Variants in SCN10A observed in about 807,000 individuals in gnomAD.
SCN10A encodes sodium voltage-gated channel alpha subunit 10.
A neutral mutation model predicts 170.7 loss-of-function variants in SCN10A; 162 were observed. That is an observed-to-expected ratio of 0.95 (90% CI 0.84 to 1.08). The LOEUF (loss-of-function observed/expected upper bound fraction) is 1.08. Among genes scored for constraint, SCN10A ranks in the 50% least tolerant of loss-of-function variants. SCN10A has a pLI of 0.00. For missense variants in SCN10A, 2,527 were observed against 2,436.9 expected (o/e 1.04, Z -0.78); for synonymous variants, 985 against 904.6 (o/e 1.09, Z -1.59).
chr3:38,774,196 C>T (rs981876873), intron 4 of SCN10A, among the ~76,000 whole-genome samples: 1 of 152,042 alleles, frequency 6.6e-6, no homozygotes, highest in African/African-American at 2.4e-5. Context: ...TGTCAGCTTC[C>T]ATATCTTGTT....
At chr3:38,737,911 G>A (rs540753264) in intron 15 of SCN10A, among the ~76,000 whole-genome samples, 27 of 123,138 alleles carry the variant, frequency 2.2e-4, no homozygotes, top group South Asian at 2.8e-4. Flanking sequence ...TCTTTCTCTC[G>A]CTTTTTCTAT....
chr3:38,706,035 G>C (rs777200066), intron 26 of SCN10A, among the ~76,000 whole-genome samples: 3 of 152,162 alleles, frequency 2.0e-5, no homozygotes, highest in Non-Finnish European at 4.4e-5. Context: ...GATTGTATGG[G>C]TGATTTAGGA....
At chr3:38,729,860 G>A (rs1270206547) in intron 15 of SCN10A, among the ~76,000 whole-genome samples, 1 of 152,160 alleles carries the variant, frequency 6.6e-6, no homozygotes, top group Non-Finnish European at 1.5e-5. Context: ...ACCCATATCC[G>A]TGAGTAAATC....
At chr3:38,764,794 G>A (rs1408612979) in intron 5 of SCN10A, among the ~76,000 whole-genome samples, 3 of 152,120 alleles carry the variant, frequency 2.0e-5, no homozygotes, top group Non-Finnish European at 2.9e-5. Context: ...TCTCCATAAC[G>A]TTTTCCTTAG....
intron 12 of SCN10A, among the ~76,000 whole-genome samples, chr3:38,750,841 G>A (rs1275510910): frequency 2.0e-5 from 3 of 152,186 alleles, no homozygotes; most frequent in Non-Finnish European, 2.9e-5. Flanking sequence ...ACAGAGAAAG[G>A]AGGGTGGGGG....
rs75660637 is a variant in SCN10A at position 38,723,677 on chromosome 3, G to A, written c.3229-124C>T. 11,479 of 1,184,630 alleles carry A rather than the reference G, an allele frequency of 9.7e-3. 371 individuals carry two copies. The highest frequency in any genetic ancestry group is 0.076 in the Admixed American group (3,367 of 44,226). The allele number at this position is 1,184,630 out of a possible 1,614,324, so 73.4% of individuals were successfully genotyped here. A position where few individuals can be genotyped will look rare whatever the true frequency, so the allele number is the denominator to read the frequency against. On this transcript the variant is annotated intron_variant, in intron 18 of 27. Transcript: ENST00000449082. ...CTCGCCAGCTGAGGCCTGGAACACT[G>A]CTCTTCTCCCTGGAGCCCCAGAGGC...
At chr3:38,792,232 T>C in intron 2 of SCN10A, 64 bp from the exon 3 acceptor site, 1 of 1,585,960 alleles carries the variant, frequency 6.3e-7, no homozygotes, top group Middle Eastern at 1.7e-4. Flanking sequence ...TACAACCATG[T>C]TTTTAAACAT....
intron 15 of SCN10A, among the ~76,000 whole-genome samples, chr3:38,730,484 CAGA>C (rs1044286328): frequency 2.6e-5 from 4 of 152,058 alleles, no homozygotes; most frequent in African/African-American, 9.7e-5. Flanking sequence ...CAAACAAAAA[CAGA>C]AGGAATGAGT....
intron 26 of SCN10A, among the ~76,000 whole-genome samples, chr3:38,703,720 C>T (rs111763460): frequency 1.2e-3 from 187 of 152,306 alleles, no homozygotes; most frequent in Non-Finnish European, 2.5e-3. Context: ...CAGAGTTCTT[C>T]GAGGCTCAGT....
chr3:38,804,026 C>A (rs889402910), intron 1 of SCN10A, among the ~76,000 whole-genome samples: 2 of 152,136 alleles, frequency 1.3e-5, no homozygotes, highest in African/African-American at 4.8e-5. Flanking sequence ...TATCTCACTG[C>A]TAGCATTCTC....
In SCN10A at chr3:38,810,705, A is replaced by G. The variant is rs576412390; in HGVS notation, c.-33+5332T>C. ...AAGTTCTATGAGGGCAGACATGAAA[A>G]TCATTCTGTCTATAGCTCTGTGCCC... On this transcript the variant is annotated intron_variant, in intron 1 of 27. Coordinates refer to ENST00000449082, the MANE Select transcript of SCN10A (RefSeq NM_006514.4). Among the ~76,000 whole-genome samples the G allele has an allele frequency of 4.6e-5, 7 of 152,344 alleles. No homozygotes were observed. The South Asian group carries it at 1.5e-3, about 32-fold the overall frequency.
At chr3:38,703,593 G>C (rs1277613587) in intron 26 of SCN10A, among the ~76,000 whole-genome samples, 2 of 152,148 alleles carry the variant, frequency 1.3e-5, no homozygotes, top group Non-Finnish European at 2.9e-5. Flanking sequence ...ATATTGCCTA[G>C]TACCCTTCTA....
rs1430249846 is a variant in SCN10A, at chr3:38,697,658, T to G, written c.5562A>C (p.Ser1854=). The G allele has an allele frequency of 6.2e-7, 1 of 1,614,230 alleles. No homozygotes were observed. The highest frequency in any genetic ancestry group is 2.2e-5 in the East Asian group (1 of 44,884). Residue 1854 remains serine, a synonymous_variant, in exon 28 of 28, where the codon TCA becomes TCC. Coordinates refer to ENST00000449082, the MANE Select transcript of SCN10A (RefSeq NM_006514.4). ...TTLRWKQEDI[S]ATVIQKAYRS... ...GATAGGCCTTTTGAATGACAGTGGC[T>G]GAAATGTCTTCTTGCTTCCATCGGA...
In SCN10A at chr3:38,789,029, T is replaced by C. The variant is rs1053499924; in HGVS notation, c.397A>G (p.Ser133Gly). 3.1e-6 allele frequency: 5 copies of C among 1,607,012 alleles called. No individual in the cohort carries two copies. In the African/African-American group the frequency reaches 5.4e-5, roughly 17 times the overall value. ...AIKVSVHSWFSLFITVTILVN... is the reference protein window; with the variant it reads ...AIKVSVHSWFGLFITVTILVN... ...AAAATAGTGACCGTAATAAATAAACTGAACCACCTGAAAGGCCTGTGTTAA... is the reference window on the plus strand; with the variant it reads ...AAAATAGTGACCGTAATAAATAAACCGAACCACCTGAAAGGCCTGTGTTAA... The change falls in exon 4 of 28, where the codon AGT (serine) becomes GGT (glycine). Residue 133 changes from serine to glycine, a missense_variant. Coordinates refer to ENST00000449082, the MANE Select transcript of SCN10A (RefSeq NM_006514.4).
chr3:38,771,562 G>A (rs1033066430), intron 4 of SCN10A, among the ~76,000 whole-genome samples, 155 bp from the exon 5 acceptor site: 6 of 152,206 alleles, frequency 3.9e-5, no homozygotes, highest in African/African-American at 1.2e-4. Flanking sequence ...AAGGTAAGGA[G>A]AGGAAACAAG....
chr3:38,755,831 T>A lies in SCN10A; in HGVS notation c.1418A>T (p.Asp473Val), dbSNP rs774806601. The part of the protein sequence containing the change: ...KPRVSEGSTE[D>V]NKSPRSDPYN... The stretch of plus-strand genomic sequence containing the variant: ...AGGATCAGAGCGGGGTGATTTGTTG[T>A]CTTCTGTGGAGCCCTCTGACACTCT... Residue 473 changes from aspartate to valine, a missense_variant, in exon 11 of 28, where the codon GAC becomes GTC. Asp to Val is a radical substitution (Grantham distance 152). Transcript: ENST00000449082. The A allele has an allele frequency of 2.5e-6, 4 of 1,614,140 alleles. No homozygotes were observed. The highest frequency in any genetic ancestry group is 2.5e-6 in the Non-Finnish European group (3 of 1,180,040).
At chr3:38,765,758 T>A (rs2063925324) in intron 5 of SCN10A, among the ~76,000 whole-genome samples, 1 of 152,174 alleles carries the variant, frequency 6.6e-6, no homozygotes, top group Non-Finnish European at 1.5e-5. Context: ...CTGTGAAGAA[T>A]GATGTGGTAC....
intron 26 of SCN10A, among the ~76,000 whole-genome samples, chr3:38,702,403 C>T (rs2063165827): frequency 6.6e-6 from 1 of 152,222 alleles, no homozygotes; most frequent in Non-Finnish European, 1.5e-5. Flanking sequence ...TGTCTAAATT[C>T]CAACAGTCTT....
intron 1 of SCN10A, among the ~76,000 whole-genome samples, chr3:38,795,337 TTTTC>T (rs2064332945): frequency 3.0e-5 from 4 of 132,014 alleles, no homozygotes; most frequent in African/African-American, 9.2e-5. Context: ...GTTTTTTTCT[TTTTC>T]TTTTTCTTTT....
Sources: allele counts gnomAD v4.1 joint callset (sites outside exome capture counted in the v4.1 genomes callset), GRCh38; gene constraint gnomAD v4.1.1; transcripts MANE v1.5; gene names NCBI Gene and HGNC (gene_info 2026-07-23, HGNC 2026-07-21).